CAMSAP2: variants seen among roughly 807,000 people sequenced by gnomAD.
CAMSAP2 encodes calmodulin-regulated spectrin-associated protein 2.
Under a neutral mutation model 146.1 loss-of-function variants are expected in CAMSAP2, and 26 were observed. The ratio of observed to expected loss-of-function variants is 0.18; its 90% CI spans 0.13 to 0.25. The LOEUF (loss-of-function observed/expected upper bound fraction) is 0.25. Among genes scored for constraint, CAMSAP2 ranks in the 10% least tolerant of loss-of-function variants. The pLI is 1.00. For missense variants in CAMSAP2, 1,381 were observed against 1,759.3 expected, an observed-to-expected ratio of 0.78 and a Z score of 3.85; for synonymous variants, 499 against 596.6, an observed-to-expected ratio of 0.84 and a Z score of 2.38.
intron 6 of CAMSAP2, among the ~76,000 whole-genome samples, chr1:200,838,465 G>GT (rs898709690): frequency 4.0e-5 from 6 of 151,654 alleles, no homozygotes; most frequent in South Asian, 2.1e-4. Context: ...TTTACTGACT[G>GT]TTTTTTTTAG....
At chr1:200,810,015 G>A (rs11799980) in intron 3 of CAMSAP2, among the ~76,000 whole-genome samples, 26,577 of 152,126 alleles carry the variant, frequency 0.17, 3,097 homozygotes, top group East Asian at 0.35. Context: ...TCATAACCCA[G>A]TCACCTCTTA....
intron 8 of CAMSAP2, among the ~76,000 whole-genome samples, chr1:200,845,853 C>G (rs1261040329): frequency 3.9e-5 from 6 of 152,116 alleles, no homozygotes; most frequent in Admixed American, 2.0e-4. Context: ...GTATTAGGAA[C>G]TAAACTGAAA....
chr1:200,814,609 CAAAAAA>C (rs1204730822), intron 3 of CAMSAP2, among the ~76,000 whole-genome samples: 271 of 24,076 alleles, frequency 0.011, no homozygotes, highest in African/African-American at 0.044. Flanking sequence ...GATTGCATCC[CAAAAAA>C]AAAAAAAAAA....
chr1:200,845,377 G>T (rs1012935746), intron 8 of CAMSAP2, among the ~76,000 whole-genome samples: 3 of 151,904 alleles, frequency 2.0e-5, no homozygotes, highest in African/African-American at 7.3e-5. Context: ...TTAACAAGAC[G>T]AGGATTTTAT....
intron 2 of CAMSAP2, among the ~76,000 whole-genome samples, chr1:200,775,551 A>G (rs1665246712): frequency 1.3e-5 from 2 of 151,678 alleles, no homozygotes; most frequent in African/African-American, 4.9e-5. Flanking sequence ...GTTTTTTGAG[A>G]TGGAGTCTCA....
intron 2 of CAMSAP2, among the ~76,000 whole-genome samples, chr1:200,775,151 A>G (rs1005718813): frequency 6.6e-6 from 1 of 152,224 alleles, no homozygotes; most frequent in African/African-American, 2.4e-5. Context: ...TTGATATTTG[A>G]ACTGAGACCT....
chr1:200,856,194 G>A, intron 15 of CAMSAP2, 69 bp downstream of exon 15: 4 of 1,133,538 alleles, frequency 3.5e-6, no homozygotes, highest in Non-Finnish European at 3.9e-6. Flanking sequence ...GTGTACTAAA[G>A]AAAATTTTAT....
intron 7 of CAMSAP2, among the ~76,000 whole-genome samples, chr1:200,843,903 G>T (rs1195362229): frequency 2.0e-5 from 3 of 151,366 alleles, no homozygotes; most frequent in African/African-American, 7.3e-5. Flanking sequence ...ATGGAGTCTC[G>T]CTCTGTTGCC....
At chr1:200,797,123 A>G (rs946228069) in intron 2 of CAMSAP2, among the ~76,000 whole-genome samples, 5 of 152,190 alleles carry the variant, frequency 3.3e-5, no homozygotes, top group Non-Finnish European at 5.9e-5. Context: ...TAATGCCGCA[A>G]TAAACATACG....
intron 1 of CAMSAP2, among the ~76,000 whole-genome samples, chr1:200,748,758 A>ATTT (rs535780256): frequency 6.2e-5 from 8 of 128,664 alleles, no homozygotes; most frequent in African/African-American, 2.3e-4. Context: ...TTCAGGTTTG[A>ATTT]TTTTTTTTTT....
chr1:200,850,193 T>C lies in CAMSAP2; in HGVS notation c.3424T>C (p.Phe1142Leu). The change falls in exon 11 of 17, where the codon TTT becomes CTT. Residue 1142 changes from phenylalanine (F) to leucine (L), a missense_variant. Transcript: ENST00000358823. ...KYDGESDKEQFDDDQKVCCGF... is the reference protein window; with the variant it reads ...KYDGESDKEQLDDDQKVCCGF... Reference sequence around the variant, plus strand: ...TGATGGAGAAAGTGATAAAGAACAATTTGATGATGACCAGAAAGTATGCTG... The same window carrying C: ...TGATGGAGAAAGTGATAAAGAACAACTTGATGATGACCAGAAAGTATGCTG... 6.2e-7 allele frequency: 1 copy of C among 1,600,642 alleles called. No homozygotes were observed.
In CAMSAP2 at chr1:200,739,944, G is replaced by A. The variant is rs773161107; in HGVS notation, c.117G>A (p.Leu39=). Residue 39 remains leucine, a synonymous_variant, in exon 1 of 17, where the codon CTG becomes CTA. Coordinates refer to ENST00000358823, the MANE Select transcript of CAMSAP2 (RefSeq NM_203459.4). This position sits in a 1 kb window ranked among gnomAD's most constrained non-coding sequence, Gnocchi z 4.8. ...AAATCGCCTGCAATCTGGCCTGGCT[G>A]GTGGCCAAAGCCTTTGGGACAGGTT... ...RAKIACNLAW[L]VAKAFGTENV... The A allele has an allele frequency of 1.9e-6, 3 of 1,614,148 alleles. No homozygotes were observed. Among genetic ancestry groups the A allele is most frequent in the East Asian group, 4.5e-5 (2 of 44,874 alleles).
chr1:200,750,618 T>C (rs1664473630), intron 1 of CAMSAP2, among the ~76,000 whole-genome samples: 1 of 138,678 alleles, frequency 7.2e-6, no homozygotes, highest in Non-Finnish European at 1.5e-5. Flanking sequence ...GATAGATAGA[T>C]AGATACATCT....
intron 4 of CAMSAP2, among the ~76,000 whole-genome samples, chr1:200,825,736 G>A (rs575332000): frequency 6.6e-6 from 1 of 152,124 alleles, no homozygotes; most frequent in African/African-American, 2.4e-5. Flanking sequence ...TCGACCTCCT[G>A]ACCTCGTGAT....
At chr1:200,776,104 C>T (rs2103017420) in intron 2 of CAMSAP2, among the ~76,000 whole-genome samples, 1 of 152,024 alleles carries the variant, frequency 6.6e-6, no homozygotes, top group Admixed American at 6.5e-5. Flanking sequence ...AACATTTTGC[C>T]AATCTTATTA....
chr1:200,815,859 A>G (rs1018407639), intron 4 of CAMSAP2, among the ~76,000 whole-genome samples: 2 of 152,238 alleles, frequency 1.3e-5, no homozygotes, highest in African/African-American at 4.8e-5. Context: ...ATTAATGACT[A>G]GAACTCAAGT....
intron 2 of CAMSAP2, among the ~76,000 whole-genome samples, chr1:200,764,250 T>G (rs542561133): frequency 2.6e-5 from 4 of 152,242 alleles, no homozygotes; most frequent in African/African-American, 9.6e-5. Flanking sequence ...TTTATTTCTG[T>G]ATGCCAGCCT....
At chr1:200,742,286 G>T (rs931778310) in intron 1 of CAMSAP2, among the ~76,000 whole-genome samples, 2 of 152,120 alleles carry the variant, frequency 1.3e-5, no homozygotes, top group African/African-American at 4.8e-5. Flanking sequence ...TTTAAAAATT[G>T]TACAAATCTT....
chr1:200,750,802 A>G (rs1244285855), intron 1 of CAMSAP2, among the ~76,000 whole-genome samples: 2 of 145,244 alleles, frequency 1.4e-5, no homozygotes, highest in Non-Finnish European at 3.0e-5. Flanking sequence ...TTTTTTTTGT[A>G]TTTTTGGTAG....
Sources: allele counts gnomAD v4.1 joint callset (sites outside exome capture counted in the v4.1 genomes callset), GRCh38; gene constraint gnomAD v4.1.1; non-coding constraint Gnocchi (gnomAD v3.1); transcripts MANE v1.5; gene names NCBI Gene and HGNC (gene_info 2026-07-23, HGNC 2026-07-21).